Variants in TMEM117 observed in about 807,000 individuals in gnomAD.
TMEM117 encodes transmembrane protein 117.
A neutral mutation model predicts 52.4 loss-of-function variants in TMEM117; 27 were observed. The ratio of observed to expected loss-of-function variants is 0.51; its 90% CI spans 0.38 to 0.71. The LOEUF (loss-of-function observed/expected upper bound fraction) is 0.71, where lower values mean the gene tolerates loss of function less well. Ranked by LOEUF, TMEM117 falls within the 30% of genes least tolerant of loss-of-function variation. The pLI is 0.00. For synonymous variants in TMEM117, 215 were observed against 206.3 expected (o/e 1.04, Z -0.36); for missense variants, 556 against 630.5 (o/e 0.88, Z 1.26).
chr12:44,201,012 G>C (rs1280502178), intron 4 of TMEM117, among the ~76,000 whole-genome samples: 1 of 152,090 alleles, frequency 6.6e-6, no homozygotes, highest in East Asian at 1.9e-4. Flanking sequence ...AGCAGAAGTT[G>C]GAAGAGTCCT....
intron 3 of TMEM117, among the ~76,000 whole-genome samples, chr12:44,099,987 A>G (rs1256910189): frequency 2.6e-5 from 4 of 151,564 alleles, no homozygotes; most frequent in African/African-American, 9.7e-5. Flanking sequence ...ATATCAGACT[A>G]AAAAAAAGCC....
intron 3 of TMEM117, among the ~76,000 whole-genome samples, chr12:44,138,512 G>C (rs1278896245): frequency 6.6e-6 from 1 of 152,162 alleles, no homozygotes; most frequent in Non-Finnish European, 1.5e-5. Context: ...CACAGTGAGG[G>C]TGGGCTTGGT....
At chr12:44,088,644 TCATTCAAGG>T (rs1404430482) in intron 3 of TMEM117, among the ~76,000 whole-genome samples, 3 of 152,222 alleles carry the variant, frequency 2.0e-5, no homozygotes, top group African/African-American at 7.2e-5. Flanking sequence ...AAGTTTAATT[TCATTCAAGG>T]TTAATCTGAA....
intron 3 of TMEM117, among the ~76,000 whole-genome samples, chr12:44,128,016 A>C (rs1948354778): frequency 6.6e-6 from 1 of 152,356 alleles, no homozygotes; most frequent in African/African-American, 2.4e-5. Flanking sequence ...AAAGATATGA[A>C]ATAAATAATA....
Position 43,949,581 on chromosome 12 carries a change from C to T in TMEM117, c.410+5239C>T, listed in dbSNP as rs1048233605. ...ACTAGCCCAACTTCTGAGATCTTGT[C>T]GGGAAGCTGCTGATCACCAAGAGTT... On this transcript the variant is annotated intron_variant, in intron 3 of 7. Transcript: ENST00000266534. Among the ~76,000 whole-genome samples, 20 of 152,174 alleles carry T rather than the reference C, an allele frequency of 1.3e-4. 1 individual carries two copies. Among genetic ancestry groups the T allele is most frequent in the Admixed American group, 5.2e-4 (8 of 15,280 alleles).
chr12:44,185,869 T>TACAC (rs3065433), intron 4 of TMEM117, among the ~76,000 whole-genome samples: 10,637 of 135,010 alleles, frequency 0.079, 392 homozygotes, highest in Non-Finnish European at 0.089. Context: ...CTAAAAGACA[T>TACAC]ACACACACAC....
In TMEM117 at chr12:43,983,547, C is replaced by CGT. The variant is rs748259406; in HGVS notation, c.410+39250_410+39251dup. On this transcript the variant is annotated intron_variant, in intron 3 of 7. Coordinates refer to ENST00000266534, the MANE Select transcript of TMEM117 (RefSeq NM_032256.3). ...AAACTGCAATTACTTTTGCACCAAC[C>CGT]GTGTGTGTGTGTGTGTGTGTGTGTG... Among the ~76,000 whole-genome samples, 1,100 of 110,686 alleles carry CGT rather than the reference C, an allele frequency of 9.9e-3. 13 individuals carry two copies. Among genetic ancestry groups the CGT allele is most frequent in the East Asian group, 0.035 (107 of 3,026 alleles). The allele number at this position is 110,686 out of a possible 152,430, so 72.6% of individuals were successfully genotyped here. A position where few individuals can be genotyped will look rare whatever the true frequency, so the allele number is the denominator to read the frequency against.
At chr12:43,940,788 C>G (rs953649312) in intron 2 of TMEM117, among the ~76,000 whole-genome samples, 1 of 152,188 alleles carries the variant, frequency 6.6e-6, no homozygotes, top group African/African-American at 2.4e-5. Context: ...AGGTGATCCG[C>G]CTGCCTCGGC....
chr12:44,249,220 A>G (rs1027061269), intron 5 of TMEM117, among the ~76,000 whole-genome samples: 6 of 152,078 alleles, frequency 3.9e-5, no homozygotes, highest in Non-Finnish European at 8.8e-5. Flanking sequence ...AGGGGTTTGT[A>G]TTCAAATGTA....
chr12:44,340,372 GTACT>G (rs1951400554), intron 6 of TMEM117, among the ~76,000 whole-genome samples: 1 of 152,036 alleles, frequency 6.6e-6, no homozygotes, highest in Admixed American at 6.6e-5. Context: ...AAACAGGGAA[GTACT>G]TACTTCTTAC....
chr12:43,883,825 A>G (rs1320239777), intron 2 of TMEM117, among the ~76,000 whole-genome samples: 2 of 152,054 alleles, frequency 1.3e-5, no homozygotes, highest in Non-Finnish European at 2.9e-5. Flanking sequence ...ACTCTATTCT[A>G]AGGGAGGAAA....
intron 4 of TMEM117, among the ~76,000 whole-genome samples, chr12:44,181,034 T>C (rs1949190224): frequency 6.6e-6 from 1 of 152,230 alleles, no homozygotes; most frequent in Non-Finnish European, 1.5e-5. Flanking sequence ...GACTTTTTAA[T>C]GATTGCCATT....
intron 3 of TMEM117, among the ~76,000 whole-genome samples, chr12:44,128,270 C>A (rs1948359949): frequency 6.6e-6 from 1 of 152,160 alleles, no homozygotes; most frequent in Non-Finnish European, 1.5e-5. Context: ...AACACTTTTG[C>A]CCTCCTCTGC....
chr12:44,100,262 G>A (rs1947839437), intron 3 of TMEM117, among the ~76,000 whole-genome samples: 1 of 151,904 alleles, frequency 6.6e-6, no homozygotes. Context: ...ACTAATATGT[G>A]GGATAAGGTT....
At chr12:43,851,310 AG>A (rs1390428460) in intron 2 of TMEM117, among the ~76,000 whole-genome samples, 5 of 152,216 alleles carry the variant, frequency 3.3e-5, no homozygotes, top group Non-Finnish European at 5.9e-5. Context: ...AACATAATTC[AG>A]GAGCAATTCT....
chr12:43,804,154 A>G, the TMEM117 span: 1 of 304,218 alleles, frequency 3.3e-6, no homozygotes, highest in Non-Finnish European at 6.6e-6. Context: ...ACAAGTAACT[A>G]TTTTTTTTTT....
intron 6 of TMEM117, among the ~76,000 whole-genome samples, chr12:44,328,855 A>G (rs867003972): frequency 3.4e-4 from 52 of 152,178 alleles, no homozygotes; most frequent in African/African-American, 9.4e-4. Flanking sequence ...TGTTACATCA[A>G]TGATTCCTGG....
At chr12:44,001,398 A>C (rs564142456) in intron 3 of TMEM117, among the ~76,000 whole-genome samples, 22 of 152,292 alleles carry the variant, frequency 1.4e-4, no homozygotes, top group African/African-American at 5.1e-4. Flanking sequence ...GAACATCAGC[A>C]TACCTGAGAA....
chr12:44,384,298 A>G (rs1374975565), intron 7 of TMEM117, among the ~76,000 whole-genome samples: 1 of 152,154 alleles, frequency 6.6e-6, no homozygotes, highest in Non-Finnish European at 1.5e-5. Context: ...CTACCATTTT[A>G]GCAGCTTCAA....
Sources: allele counts gnomAD v4.1 joint callset (sites outside exome capture counted in the v4.1 genomes callset), GRCh38; gene constraint gnomAD v4.1.1; transcripts MANE v1.5; gene names NCBI Gene and HGNC (gene_info 2026-07-23, HGNC 2026-07-21).